The following ASTN2 variants were observed in gnomAD, a reference collection of about 807,000 sequenced individuals.
ASTN2 encodes the protein astrotactin 2.
A neutral mutation model predicts 139.8 loss-of-function variants in ASTN2; 54 were observed. The observed-to-expected ratio is 0.39, with a 90% CI of 0.31 to 0.48. The LOEUF (loss-of-function observed/expected upper bound fraction) is 0.48. Among genes scored for constraint, ASTN2 ranks in the 20% least tolerant of loss-of-function variants. ASTN2 has a pLI of 0.95. For missense variants in ASTN2, 1,565 were observed against 1,725.1 expected, an observed-to-expected ratio of 0.91 and a Z score of 1.64; for synonymous variants, 756 against 719.5, an observed-to-expected ratio of 1.05 and a Z score of -0.81.
At chr9:117,083,683 C>A (rs1171835085) in intron 5 of ASTN2, among the ~76,000 whole-genome samples, 2 of 152,134 alleles carry the variant, frequency 1.3e-5, no homozygotes, top group African/African-American at 4.8e-5. Context: ...GTGGGGGAAT[C>A]CTGCTGAGCC....
At chr9:117,127,497 G>A (rs1015423527) in intron 4 of ASTN2, among the ~76,000 whole-genome samples, 1 of 152,052 alleles carries the variant, frequency 6.6e-6, no homozygotes, top group African/African-American at 2.4e-5. Context: ...GTTTTGTAAT[G>A]GCCCAATGGG....
Position 116,618,375 on chromosome 9 carries a change from T to C in ASTN2, c.3304A>G (p.Ile1102Val), listed in dbSNP as rs1184337829. The C allele has an allele frequency of 6.2e-7, 1 of 1,613,998 alleles. No homozygotes were observed. Among genetic ancestry groups the C allele is most frequent in the Non-Finnish European group, 8.5e-7 (1 of 1,179,996 alleles). The part of the protein sequence containing the change: ...PAIGTKVSDY[I>V]LQHKKVDEYT... ...TCATCCACTTTCTTATGCTGCAGAA[T>C]ATAGTCGGAGACCTTGGTCCCAATA... Residue 1102 changes from isoleucine to valine, a missense_variant, in exon 19 of 23, where the codon ATT becomes GTT. Coordinates refer to ENST00000313400, the MANE Select transcript of ASTN2 (RefSeq NM_001365068.1).
rs865852462 is a variant in ASTN2, at chr9:116,718,954, A to G, written c.2806+6817T>C. On this transcript the variant is annotated intron_variant, in intron 16 of 22. Coordinates refer to ENST00000313400, the MANE Select transcript of ASTN2 (RefSeq NM_001365068.1). ...CTATATCATCTATATCTATATTTAC[A>G]TATCTATACCTGTATCTGTACATAT... Among the ~76,000 whole-genome samples the G allele has an allele frequency of 8.8e-5, 12 of 135,794 alleles. No individual in the cohort carries two copies. In the Middle Eastern group the frequency reaches 0.011, roughly 125 times the overall value. The allele number at this position is 135,794 out of a possible 152,430, so 89.1% of individuals were successfully genotyped here.
At chr9:117,325,175 C>T (rs146251938) in intron 1 of ASTN2, among the ~76,000 whole-genome samples, 1 of 152,278 alleles carries the variant, frequency 6.6e-6, no homozygotes, top group East Asian at 1.9e-4. Context: ...ACTTTTCACC[C>T]TGAGCCCTGA....
At chr9:117,219,540 G>A (rs1052590576) in intron 2 of ASTN2, among the ~76,000 whole-genome samples, 20 of 152,300 alleles carry the variant, frequency 1.3e-4, no homozygotes, top group African/African-American at 4.3e-4. Context: ...GATTTGTACC[G>A]TGCTCACTCC....
chr9:116,964,266 C>CGCGCGCGCGCAT (rs1478600223), intron 10 of ASTN2, among the ~76,000 whole-genome samples: 1 of 128,894 alleles, frequency 7.8e-6, no homozygotes, highest in East Asian at 2.1e-4. Context: ...TGCGCGCGCG[C>CGCGCGCGCGCAT]GCGTGTGTGT....
intron 3 of ASTN2, among the ~76,000 whole-genome samples, chr9:117,166,197 C>A (rs1830666857): frequency 6.6e-6 from 1 of 151,918 alleles, no homozygotes; most frequent in African/African-American, 2.4e-5. Flanking sequence ...AGAATGTTCT[C>A]ATTTATAGTA....
At chr9:116,919,392 C>G (rs1834534469) in intron 10 of ASTN2, among the ~76,000 whole-genome samples, 1 of 152,142 alleles carries the variant, frequency 6.6e-6, no homozygotes, top group South Asian at 2.1e-4. Flanking sequence ...CCTCAAAGAT[C>G]AACATAATTT....
intron 19 of ASTN2, among the ~76,000 whole-genome samples, chr9:116,532,433 G>A (rs1356952905): frequency 6.6e-6 from 1 of 152,158 alleles, no homozygotes; most frequent in African/African-American, 2.4e-5. Flanking sequence ...TGAGGTCCTT[G>A]CCCATGCCTA....
rs369169176 is a variant in ASTN2 at position 117,365,243 on chromosome 9, AAG to A, written c.442+49252_442+49253del. 4.6e-5 allele frequency among the ~76,000 whole-genome samples: 7 copies of A among 151,660 alleles called. No homozygotes were observed. The South Asian group carries it at 6.3e-4, about 14-fold the overall frequency. On this transcript the variant is annotated intron_variant, in intron 1 of 22. Transcript: ENST00000313400. ...GGAAGGAAAAAGAAAGCAAGAAAGA[AAG>A]AGAGAGAGAAACAGAGAGAAAAAAA...
intron 5 of ASTN2, among the ~76,000 whole-genome samples, chr9:117,077,638 C>A (rs113256806): frequency 0.029 from 4,371 of 152,072 alleles, 201 homozygotes; most frequent in African/African-American, 0.1. Flanking sequence ...ATTCCAGCTA[C>A]TTGGGAGGCT....
chr9:116,834,930 T>A (rs1220351802), intron 11 of ASTN2, among the ~76,000 whole-genome samples: 1 of 152,124 alleles, frequency 6.6e-6, no homozygotes, highest in East Asian at 1.9e-4. Context: ...GTGCCTGTAG[T>A]CCCAGCTACT....
At chr9:116,909,770 AAAAC>A (rs1345923945) in intron 10 of ASTN2, among the ~76,000 whole-genome samples, 1 of 152,232 alleles carries the variant, frequency 6.6e-6, no homozygotes, top group African/African-American at 2.4e-5. Context: ...AGCCAAATTA[AAAAC>A]AAACAAACAA....
chr9:117,289,372 T>A (rs764420045), intron 2 of ASTN2, among the ~76,000 whole-genome samples: 2 of 152,118 alleles, frequency 1.3e-5, no homozygotes, highest in African/African-American at 2.4e-5. Flanking sequence ...TCTTAGTGAG[T>A]TATTATTTCG....
chr9:117,407,261 G>A (rs1408063973), intron 1 of ASTN2, among the ~76,000 whole-genome samples: 2 of 152,172 alleles, frequency 1.3e-5, no homozygotes, highest in Non-Finnish European at 2.9e-5. Context: ...AATAGGGAGA[G>A]GGAAATTCAA....
chr9:116,546,654 C>T (rs765587000), intron 19 of ASTN2: 1 of 152,166 alleles, frequency 6.6e-6, no homozygotes, highest in African/African-American at 2.4e-5. Context: ...CAGCTATTGC[C>T]TCTTGGAACA....
At chr9:117,224,731 C>T (rs1258201045) in intron 2 of ASTN2, among the ~76,000 whole-genome samples, 3 of 152,208 alleles carry the variant, frequency 2.0e-5, no homozygotes, top group African/African-American at 7.2e-5. Context: ...CACCATTTCA[C>T]GTTTCTGTGC....
chr9:116,558,692 G>A (rs755444279), intron 19 of ASTN2, among the ~76,000 whole-genome samples: 7 of 152,134 alleles, frequency 4.6e-5, no homozygotes, highest in Non-Finnish European at 8.8e-5. Context: ...TATATTCTCA[G>A]ACCATTCAGC....
intron 1 of ASTN2, among the ~76,000 whole-genome samples, chr9:117,314,731 G>A (rs1828085366): frequency 7.0e-6 from 1 of 143,860 alleles, no homozygotes; most frequent in Non-Finnish European, 1.5e-5. Flanking sequence ...ATAATTATAT[G>A]TCATATAGTA....
Sources: gnomAD v4.1 joint callset for allele counts (sites outside exome capture counted in the v4.1 genomes callset) on GRCh38, gnomAD v4.1.1 for gene constraint, MANE v1.5 for transcripts, NCBI Gene and HGNC (gene_info 2026-07-23, HGNC 2026-07-21) for gene names.